Variants in TRIM29 observed in about 807,000 individuals in gnomAD.
TRIM29 encodes tripartite motif containing 29, also known as tripartite motif-containing protein 29.
Under a neutral mutation model 57.3 loss-of-function variants are expected in TRIM29, and 52 were observed. That is an observed-to-expected ratio of 0.91 (90% confidence interval 0.73 to 1.14). TRIM29 has a LOEUF of 1.14. Among genes scored for constraint, TRIM29 ranks in the 50% most tolerant of loss-of-function variants. The pLI is 0.00. For missense variants in TRIM29, 753 were observed against 774.6 expected (o/e 0.97, Z 0.33); for synonymous variants, 319 against 316.9 (o/e 1.01, Z -0.07).
intron 3 of TRIM29, 70 bp from the exon 4 acceptor site, chr11:120,125,959 G>T: frequency 6.7e-7 from 1 of 1,486,692 alleles, no homozygotes; most frequent in Non-Finnish European, 9.2e-7. Context: ...CTCTGCCAGG[G>T]GCTCTCACAG....
chr11:120,124,893 T>C (rs1863547357), intron 4 of TRIM29: 1 of 152,030 alleles, frequency 6.6e-6, no homozygotes, highest in Non-Finnish European at 1.5e-5. Context: ...TGGAGAGCAA[T>C]CAGGGGTCCT....
chr11:120,132,874 C>T lies in TRIM29; in HGVS notation c.804+4354G>A, dbSNP rs556123607. 2.0e-5 allele frequency among the ~76,000 whole-genome samples: 3 copies of T among 152,288 alleles called. No individual in the cohort carries two copies. In the South Asian group the frequency reaches 6.2e-4, roughly 32 times the overall value. On this transcript the variant is annotated intron_variant, in intron 1 of 8. Coordinates refer to ENST00000341846, the MANE Select transcript of TRIM29 (RefSeq NM_012101.4). ...GTCTGTTTGACTGAGATTTACTGTT[C>T]CTTTTGCCTCCTCACAGCCTCAGGT...
At chr11:120,117,268 C>T (rs1031827887) in intron 7 of TRIM29, 5 of 206,688 alleles carry the variant, frequency 2.4e-5, no homozygotes, top group African/African-American at 7.0e-5. Context: ...TCCCCAGGCC[C>T]GGATCAGAGC....
At position 120,115,685 on chromosome 11, in the gene TRIM29, C is replaced by T; in HGVS notation, c.1628-271G>A. The T allele has an allele frequency of 6.3e-6, 3 of 477,218 alleles. 1 individual carries two copies. In the South Asian group the frequency reaches 6.6e-5, roughly 11 times the overall value. 29.6% of individuals were successfully genotyped at this position (477,218 alleles called of 1,614,324 possible). ...CCAGGCAGCAGGGGAGTGTTGCCCC[C>T]ACATCCAGCGCAGCATCACACTGCT... On this transcript the variant is annotated intron_variant, in intron 7 of 8. Transcript: ENST00000341846.
In TRIM29 at chr11:120,137,522, C is replaced by T. The variant is rs771958755; in HGVS notation, c.510G>A (p.Glu170=). The T allele has an allele frequency of 2.5e-6, 4 of 1,605,178 alleles. No homozygotes were observed. The highest frequency in any genetic ancestry group is 3.4e-6 in the Non-Finnish European group (4 of 1,179,964). The change falls in exon 1 of 9, where the codon GAG becomes GAA. Residue 170 remains glutamate (E), a synonymous_variant. Transcript: ENST00000341846. The surrounding 1 kb of genome is among the most constrained non-coding windows in gnomAD (Gnocchi z 6.2). ...LFSRSKSGSE[E]VLCDSCIGNK... is the part of the protein sequence containing the mutation. ...TGCCGATGCAGGAGTCGCACAGCACCTCCTCGGAGCCGGACTTGGACCGTG... is the reference window on the plus strand; with the variant it reads ...TGCCGATGCAGGAGTCGCACAGCACTTCCTCGGAGCCGGACTTGGACCGTG...
intron 2 of TRIM29, 68 bp downstream of exon 2, chr11:120,128,332 G>T: frequency 2.1e-6 from 3 of 1,436,692 alleles, no homozygotes; most frequent in South Asian, 1.2e-5. Flanking sequence ...TGGGAGCCAA[G>T]GCCTGCGTCT....
rs1050242397 is a variant in TRIM29, at chr11:120,137,040, C to T, written c.804+188G>A. On this transcript the variant is annotated intron_variant, in intron 1 of 8. Transcript: ENST00000341846. This position sits in a 1 kb window ranked among gnomAD's most constrained non-coding sequence, Gnocchi z 6.2. ...GAGACCTTAGGGGATTGGGGAGCAA[C>T]CTCTGATCCCCAGCTGGGATTAGGG... Among the ~76,000 whole-genome samples, 1 of 152,178 alleles carries T rather than the reference C, an allele frequency of 6.6e-6. No homozygotes were observed. The highest frequency in any genetic ancestry group is 1.5e-5 in the Non-Finnish European group (1 of 68,040).
Position 120,112,456 on chromosome 11 carries a change from G to A in TRIM29, c.1725C>T (p.Tyr575=), listed in dbSNP as rs564301715. 2.5e-6 allele frequency: 4 copies of A among 1,613,192 alleles called. No individual in the cohort carries two copies. The highest frequency in any genetic ancestry group is 2.2e-5 in the South Asian group (2 of 90,912). The change falls in exon 9 of 9, where the codon TAC becomes TAT. Residue 575 remains tyrosine, a synonymous_variant. Transcript: ENST00000341846. The part of the protein sequence containing the change: ...QTMLSHYRPF[Y]VNKGNGIGSN... ...ACCCAATCCCGTTGCCTTTGTTGAC[G>A]TAGAATGGCCGGTAGTGAGACTGTG...
rs371853456 is a variant in TRIM29, at chr11:120,127,514, C to T, written c.956G>A (p.Arg319Gln). The change falls in exon 3 of 9, where the codon CGG (arginine) becomes CAG (glutamine). Residue 319 changes from arginine to glutamine, a missense_variant. Physicochemically the swap from Arg to Gln is conservative, Grantham distance 43. Transcript: ENST00000341846. The stretch of plus-strand genomic sequence containing the variant: ...TTCCTCCTTTTGCTTCTCCAGGTCC[C>T]GCACCAGGTCCCGGAAGTTCTGCTC... ...ILEQNFRDLV[R>Q]DLEKQKEEVR... 19 of 1,614,054 alleles carry T rather than the reference C, an allele frequency of 1.2e-5. No individual in the cohort carries two copies. Among genetic ancestry groups the T allele is most frequent in the East Asian group, 1.1e-4 (5 of 44,892 alleles).
At chr11:120,129,830 C>T (rs1205649470) in intron 1 of TRIM29, among the ~76,000 whole-genome samples, 2 of 152,142 alleles carry the variant, frequency 1.3e-5, no homozygotes, top group Non-Finnish European at 2.9e-5. Flanking sequence ...GCCCCCACCA[C>T]CACATTCCTG....
intron 1 of TRIM29, among the ~76,000 whole-genome samples, chr11:120,136,666 GAC>G (rs1182743917): frequency 6.6e-6 from 1 of 151,904 alleles, no homozygotes; most frequent in Non-Finnish European, 1.5e-5. Context: ...AAACTACAAA[GAC>G]AGCAAGAAGG....
Position 120,125,880 on chromosome 11 carries a change from C to A in TRIM29, c.1144G>T (p.Ala382Ser), listed in dbSNP as rs1156699301. The change falls in exon 4 of 9, where the codon GCA (alanine) becomes TCA (serine). Residue 382 changes from alanine to serine, a missense_variant. Physicochemically the swap from Ala to Ser is moderately conservative, Grantham distance 99. Transcript: ENST00000341846. ...GGGAGAGAGTAATTGCTCATCAATG[C>A]ACCAAATTCCTACCAAGAAAGGAAA... ...DSVLFLQEFG[A>S]LMSNYSLPPP... 6.2e-7 allele frequency: 1 copy of A among 1,612,004 alleles called. No homozygotes were observed. The highest frequency in any genetic ancestry group is 2.2e-5 in the East Asian group (1 of 44,798).
intron 4 of TRIM29, chr11:120,125,372 A>G: frequency 2.9e-6 from 1 of 342,078 alleles, no homozygotes; most frequent in African/African-American, 2.1e-5. Flanking sequence ...GGGCCCGGCA[A>G]TTAGATGTAG....
At chr11:120,132,661 G>A (rs1358816456) in intron 1 of TRIM29, among the ~76,000 whole-genome samples, 8 of 152,242 alleles carry the variant, frequency 5.3e-5, no homozygotes, top group Non-Finnish European at 1.2e-4. Context: ...AGGGAGGAGA[G>A]GACTGGCCAT....
chr11:120,127,397 T>C lies in TRIM29; in HGVS notation c.1073A>G (p.His358Arg), dbSNP rs1164905902. ...DALDERAKVL[H>R]EDKQTREQLH... Reference sequence around the variant, plus strand: ...CTGCTCCCGGGTCTGCTTGTCCTCATGCAGCACCTTGGCTCTCTCATCCAG... The same window carrying C: ...CTGCTCCCGGGTCTGCTTGTCCTCACGCAGCACCTTGGCTCTCTCATCCAG... The change falls in exon 3 of 9, where the codon CAT (histidine) becomes CGT (arginine). Residue 358 changes from histidine (H) to arginine (R), a missense_variant. By Grantham distance (29) the His-to-Arg change is conservative. Coordinates refer to ENST00000341846, the MANE Select transcript of TRIM29 (RefSeq NM_012101.4). 6.2e-7 allele frequency: 1 copy of C among 1,614,046 alleles called. No individual in the cohort carries two copies. Among genetic ancestry groups the C allele is most frequent in the Admixed American group, 1.7e-5 (1 of 60,012 alleles).
chr11:120,117,813 C>A (rs927019453), intron 7 of TRIM29: 4 of 215,850 alleles, frequency 1.9e-5, no homozygotes, highest in Non-Finnish European at 3.7e-5. Context: ...AGGATTGGAT[C>A]TGCAGGATGC....
At position 120,125,759 on chromosome 11, in the gene TRIM29, C is replaced by A. The variant is rs768839001; in HGVS notation, c.1265G>T (p.Arg422Leu). 2.5e-5 allele frequency: 40 copies of A among 1,614,044 alleles called. No individual in the cohort carries two copies. Among genetic ancestry groups the A allele is most frequent in the Admixed American group, 2.0e-4 (12 of 59,992 alleles). Residue 422 changes from arginine to leucine, a missense_variant, in exon 4 of 9, where the codon CGC (arginine) becomes CTC (leucine). Coordinates refer to ENST00000341846, the MANE Select transcript of TRIM29 (RefSeq NM_012101.4). ...FKDDLLNVCM[R>L]HVEKMCKADL... ...CGCCTTGCACATCTTCTCAACGTGGCGCATGCATACATTGAGCAGGTCGTC... is the reference window on the plus strand; with the variant it reads ...CGCCTTGCACATCTTCTCAACGTGGAGCATGCATACATTGAGCAGGTCGTC...
rs1316079215 is a variant in TRIM29, at chr11:120,118,953, A to G, written c.1529-632T>C. The G allele has an allele frequency of 4.6e-5, 7 of 152,404 alleles. 1 individual carries two copies. The South Asian group carries it at 6.2e-4, about 14-fold the overall frequency. 9.4% of individuals were successfully genotyped at this position (152,404 alleles called of 1,614,324 possible). On this transcript the variant is annotated intron_variant, in intron 6 of 8. Transcript: ENST00000341846. ...CGCAGTGAGCTCACGTGAACTGGGA[A>G]TGTGCCTGTCTGGCCCCTGCATCAC...
At chr11:120,130,574 G>T (rs1863699299) in intron 1 of TRIM29, among the ~76,000 whole-genome samples, 1 of 152,206 alleles carries the variant, frequency 6.6e-6, no homozygotes, top group South Asian at 2.1e-4. Context: ...GCTTCTCTGT[G>T]CCTCAGTAGC....
Sources: gnomAD v4.1 joint callset for allele counts (sites outside exome capture counted in the v4.1 genomes callset) on GRCh38, gnomAD v4.1.1 for gene constraint, Gnocchi (gnomAD v3.1) non-coding constraint, MANE v1.5 for transcripts, NCBI Gene and HGNC (gene_info 2026-07-23, HGNC 2026-07-21) for gene names.